MRC2: variants seen among roughly 807,000 people sequenced by gnomAD.
MRC2 encodes the protein mannose receptor C-type 2.
Under a neutral mutation model 206.2 loss-of-function variants are expected in MRC2, and 84 were observed. That is an observed-to-expected ratio of 0.41 (90% confidence interval 0.34 to 0.49). The LOEUF (loss-of-function observed/expected upper bound fraction) is 0.49. Ranked by LOEUF, MRC2 falls within the 20% of genes least tolerant of loss-of-function variation. The probability of loss-of-function intolerance (pLI) is 0.31; values close to 1 mark genes in which losing one functional copy is unlikely to be tolerated. For missense variants in MRC2, 1,676 were observed against 2,001.5 expected, an observed-to-expected ratio of 0.84 and a Z score of 3.10; for synonymous variants, 798 against 800.0, an observed-to-expected ratio of 1.00 and a Z score of 0.04.
chr17:62,689,002 G>T (rs553297349), intron 23 of MRC2, 42 bp downstream of exon 23: 2 of 1,514,842 alleles, frequency 1.3e-6, no homozygotes, highest in Admixed American at 3.5e-5. Context: ...GTGGGGCCCT[G>T]GCACCGGGCT....
intron 1 of MRC2, among the ~76,000 whole-genome samples, chr17:62,651,334 G>A (rs939482278): frequency 6.6e-6 from 1 of 151,974 alleles, no homozygotes; most frequent in African/African-American, 2.4e-5. Flanking sequence ...CACCCACCTC[G>A]GCCTCCCAGA....
intron 1 of MRC2, among the ~76,000 whole-genome samples, chr17:62,634,355 C>T (rs557932022): frequency 2.0e-4 from 30 of 152,012 alleles, no homozygotes; most frequent in Non-Finnish European, 3.7e-4. Context: ...GGCTGAAGTG[C>T]GATGGCGTGG....
intron 1 of MRC2, among the ~76,000 whole-genome samples, chr17:62,655,601 C>T (rs982071452): frequency 6.6e-6 from 1 of 151,278 alleles, no homozygotes; most frequent in Admixed American, 6.6e-5. Flanking sequence ...TGCCTATAGT[C>T]CCAGTTATTC....
chr17:62,682,639 GA>G (rs1414899894), intron 20 of MRC2, among the ~76,000 whole-genome samples: 18 of 150,760 alleles, frequency 1.2e-4, no homozygotes, highest in Non-Finnish European at 2.2e-4. Context: ...GATTGCCAAA[GA>G]TTTTTTTTTT....
At chr17:62,686,838 C>T (rs1312420485) in intron 20 of MRC2, among the ~76,000 whole-genome samples, 1 of 152,200 alleles carries the variant, frequency 6.6e-6, no homozygotes, top group African/African-American at 2.4e-5. Context: ...TCTGTGAAAC[C>T]AAATCCTTGA....
chr17:62,632,296 G>A (rs935009118), intron 1 of MRC2, among the ~76,000 whole-genome samples: 12 of 152,154 alleles, frequency 7.9e-5, no homozygotes, highest in African/African-American at 2.2e-4. Flanking sequence ...GAATTCCACC[G>A]GTTGTTTCCC....
intron 1 of MRC2, among the ~76,000 whole-genome samples, chr17:62,650,597 T>C (rs540194931): frequency 1.3e-5 from 2 of 152,330 alleles, no homozygotes; most frequent in South Asian, 4.1e-4. Flanking sequence ...AAGATGTTAA[T>C]CTCTCAGTTA....
rs1022639196 is a variant in MRC2 at position 62,680,476 on chromosome 17, C to T, written c.2473+23C>T. ...AAGGTGAGCACCCCCCAGCCCATCC[C>T]GCTACCCATCGCGTGGGAGAGGGCG... is the stretch of plus-strand genomic sequence containing the variant. On this transcript the variant is annotated intron_variant, in intron 16 of 29. Transcript: ENST00000303375. The surrounding 1 kb of genome is among the most constrained non-coding windows in gnomAD (Gnocchi z 4.8). The T allele has an allele frequency of 3.7e-6, 6 of 1,613,600 alleles. No homozygotes were observed. Among genetic ancestry groups the T allele is most frequent in the Non-Finnish European group, 5.1e-6 (6 of 1,179,876 alleles).
In MRC2 at chr17:62,690,205, A is replaced by T. The variant is rs2089089256; in HGVS notation, c.3792A>T (p.Gly1264=). Residue 1264 remains glycine (G), a synonymous_variant, in exon 26 of 30, where the codon GGA becomes GGT. Transcript: ENST00000303375. ...GCTACCATGGCAGCTGTCCCCAGGGACTGGCAGACTCCGCGTGGATTCCCT... is the reference window on the plus strand; with the variant it reads ...GCTACCATGGCAGCTGTCCCCAGGGTCTGGCAGACTCCGCGTGGATTCCCT... ...RISYHGSCPQ[G]LADSAWIPFR... is the part of the protein sequence containing the mutation. 3 of 1,612,466 alleles carry T rather than the reference A, an allele frequency of 1.9e-6. No homozygotes were observed. Among genetic ancestry groups the T allele is most frequent in the Non-Finnish European group, 2.5e-6 (3 of 1,178,938 alleles).
chr17:62,667,328 C>G lies in MRC2; in HGVS notation c.974-62C>G. 1 of 1,517,632 alleles carries G rather than the reference C, an allele frequency of 6.6e-7. No homozygotes were observed. Among genetic ancestry groups the G allele is most frequent in the Non-Finnish European group, 8.8e-7 (1 of 1,134,514 alleles). 94.0% of individuals were successfully genotyped at this position (1,517,632 alleles called of 1,614,324 possible). A position where few individuals can be genotyped will look rare whatever the true frequency, so the allele number is the denominator to read the frequency against. On this transcript the variant is annotated intron_variant, in intron 5 of 29. Coordinates refer to ENST00000303375, the MANE Select transcript of MRC2 (RefSeq NM_006039.5). This position sits in a 1 kb window ranked among gnomAD's most constrained non-coding sequence, Gnocchi z 4.1. ...GGGAGGTAGGAGGTTCTGAGCAGGG[C>G]CCCGGGAGCCACGGTGTGAGCTTCT... is the stretch of plus-strand genomic sequence containing the variant.
At chr17:62,663,757 G>A (rs1034794972) in intron 1 of MRC2, among the ~76,000 whole-genome samples, 6 of 152,252 alleles carry the variant, frequency 3.9e-5, no homozygotes, top group African/African-American at 1.4e-4. Flanking sequence ...AGAAGGAAAG[G>A]ATGGAACCAG....
chr17:62,635,331 C>T (rs959827316), intron 1 of MRC2, among the ~76,000 whole-genome samples: 2 of 151,670 alleles, frequency 1.3e-5, no homozygotes, highest in African/African-American at 4.9e-5. Context: ...AAAAAAATCC[C>T]ACCCTCAATG....
Position 62,664,449 on chromosome 17 carries a change from T to C in MRC2, c.119-99T>C. 2 of 1,324,896 alleles carry C rather than the reference T, an allele frequency of 1.5e-6. No homozygotes were observed. The highest frequency in any genetic ancestry group is 2.1e-6 in the Non-Finnish European group (2 of 962,824). The allele number at this position is 1,324,896 out of a possible 1,614,324, so 82.1% of individuals were successfully genotyped here. A position where few individuals can be genotyped will look rare whatever the true frequency, so the allele number is the denominator to read the frequency against. On this transcript the variant is annotated intron_variant, in intron 1 of 29. Coordinates refer to ENST00000303375, the MANE Select transcript of MRC2 (RefSeq NM_006039.5). The surrounding 1 kb of genome is among the most constrained non-coding windows in gnomAD (Gnocchi z 4.7). ...ACGTATGAGTGACGGCTCACCATCC[T>C]GCACTGGGCACATGGTAGGTGCCTG... is the stretch of plus-strand genomic sequence containing the variant.
chr17:62,682,639 G>T (rs367666482), intron 20 of MRC2, among the ~76,000 whole-genome samples: 1 of 150,760 alleles, frequency 6.6e-6, no homozygotes, highest in East Asian at 1.9e-4. Context: ...GATTGCCAAA[G>T]ATTTTTTTTT....
Position 62,690,044 on chromosome 17 carries a change from G to A in MRC2, c.3724G>A (p.Val1242Met), listed in dbSNP as rs368870331. ...CTGTGACACCAAGCTGCAGGGGGCT[G>A]TGTGTGGGGTTAGCAGTGGTGAGTG... ...TSCDTKLQGA[V>M]CGVSSGPPPP... The change falls in exon 25 of 30, where the codon GTG (valine) becomes ATG (methionine). Residue 1242 changes from valine to methionine, a missense_variant. Physicochemically the swap from Val to Met is conservative, Grantham distance 21. Transcript: ENST00000303375. The A allele has an allele frequency of 6.2e-7, 1 of 1,604,956 alleles. No homozygotes were observed. The highest frequency in any genetic ancestry group is 1.1e-5 in the South Asian group (1 of 89,266).
chr17:62,648,421 G>T (rs1361363849), intron 1 of MRC2, among the ~76,000 whole-genome samples: 1 of 152,132 alleles, frequency 6.6e-6, no homozygotes, highest in Non-Finnish European at 1.5e-5. Context: ...AAGGGGTGTG[G>T]GCGCTGCCCC....
Position 62,681,123 on chromosome 17 carries a change from G to T in MRC2, c.2696G>T (p.Arg899Leu), listed in dbSNP as rs1465532159. 3 of 1,613,542 alleles carry T rather than the reference G, an allele frequency of 1.9e-6. No homozygotes were observed. The highest frequency in any genetic ancestry group is 2.2e-5 in the East Asian group (1 of 44,870). The stretch of plus-strand genomic sequence containing the variant: ...CTGCACACCTCTGAGAGCGATGGGC[G>T]CTTCAGGTAGGAACCCAGGCAGGCA... Reference protein sequence around the residue: ...IGLHTSESDGRFRWTDGSIIN... With the variant: ...IGLHTSESDGLFRWTDGSIIN... The change falls in exon 18 of 30, where the codon CGC becomes CTC. Residue 899 changes from arginine (R) to leucine (L), a missense_variant. Physicochemically the swap from Arg to Leu is moderately radical, Grantham distance 102 (BLOSUM62 -2). Around this residue, in one of 3 missense-constraint regions of MRC2, gnomAD observed 1,354 missense variants for 1,636.6 expected, o/e 0.83. Coordinates refer to ENST00000303375, the MANE Select transcript of MRC2 (RefSeq NM_006039.5).
chr17:62,642,724 T>C (rs1173523561), intron 1 of MRC2, among the ~76,000 whole-genome samples: 1 of 152,122 alleles, frequency 6.6e-6, no homozygotes, highest in Non-Finnish European at 1.5e-5. Flanking sequence ...TGAGATTACA[T>C]GTGTGAACCA....
In MRC2 at chr17:62,692,756, T is replaced by G; in HGVS notation, c.*305T>G. 2.8e-6 allele frequency: 1 copy of G among 360,956 alleles called. No individual in the cohort carries two copies. 22.4% of individuals were successfully genotyped at this position (360,956 alleles called of 1,614,324 possible). ...GATGGGAGGGGGAACGAGAGCCTCT[T>G]TCTCCCCAGAGCCCCCGGCCCAGGC... On this transcript the variant is annotated 3_prime_UTR_variant, in exon 30 of 30. Coordinates refer to ENST00000303375, the MANE Select transcript of MRC2 (RefSeq NM_006039.5). The surrounding 1 kb of genome is among the most constrained non-coding windows in gnomAD (Gnocchi z 4.2).
Sources: allele counts gnomAD v4.1 joint callset (sites outside exome capture counted in the v4.1 genomes callset), GRCh38; gene constraint gnomAD v4.1.1; regional missense constraint gnomAD v4.1.1; non-coding constraint Gnocchi (gnomAD v3.1); transcripts MANE v1.5; gene names NCBI Gene and HGNC (gene_info 2026-07-23, HGNC 2026-07-21).